TPH2: variants seen among roughly 807,000 people sequenced by gnomAD.
The protein encoded by TPH2 is tryptophan hydroxylase 2.
A neutral mutation model predicts 59.1 loss-of-function variants in TPH2; 27 were observed. That is an observed-to-expected ratio of 0.46 (90% confidence interval 0.34 to 0.63). TPH2 has a LOEUF of 0.63. Ranked by LOEUF, TPH2 falls within the 30% of genes least tolerant of loss-of-function variation. The pLI, the probability that TPH2 is intolerant of heterozygous loss-of-function variation, is 0.01. For synonymous variants in TPH2, 220 were observed against 210.5 expected (o/e 1.05, Z -0.39); for missense variants, 523 against 588.3 (o/e 0.89, Z 1.15).
intron 9 of TPH2, among the ~76,000 whole-genome samples, chr12:72,030,941 A>T (rs1220518753): frequency 6.6e-6 from 1 of 152,142 alleles, no homozygotes; most frequent in African/African-American, 2.4e-5. Context: ...TAGATTTAAA[A>T]TCCCATTTCT....
chr12:72,022,077 T>C (rs1873434162), intron 8 of TPH2, among the ~76,000 whole-genome samples: 1 of 152,184 alleles, frequency 6.6e-6, no homozygotes, highest in Non-Finnish European at 1.5e-5. Context: ...TACGGAGGTA[T>C]CATTGTGATA....
intron 4 of TPH2, among the ~76,000 whole-genome samples, chr12:71,947,864 T>G (rs576784348): frequency 6.6e-6 from 1 of 152,290 alleles, no homozygotes; most frequent in African/African-American, 2.4e-5. Flanking sequence ...AGAGAGGCAG[T>G]TGAGATTCTT....
At chr12:72,008,614 A>G (rs1873017882) in intron 8 of TPH2, among the ~76,000 whole-genome samples, 1 of 152,216 alleles carries the variant, frequency 6.6e-6, no homozygotes, top group African/African-American at 2.4e-5. Context: ...TGCTTAATAC[A>G]ATTTTGGTGA....
intron 8 of TPH2, among the ~76,000 whole-genome samples, chr12:71,998,770 T>G (rs1385000164): frequency 1.3e-5 from 2 of 152,136 alleles, no homozygotes; most frequent in African/African-American, 2.4e-5. Flanking sequence ...TTGTTCACAT[T>G]AAGTCTTCTG....
chr12:71,980,150 G>A (rs1055578885), intron 7 of TPH2, among the ~76,000 whole-genome samples: 3 of 152,184 alleles, frequency 2.0e-5, no homozygotes, highest in Non-Finnish European at 4.4e-5. Context: ...ATGGGGTGGA[G>A]AATTTCAGGC....
In TPH2 at chr12:71,994,530, G is replaced by A; in HGVS notation, c.1033G>A (p.Gly345Arg). Residue 345 changes from glycine to arginine, a missense_variant, in exon 8 of 11, where the codon GGA becomes AGA. Transcript: ENST00000333850. ...FSQEIGLASL[G>R]ASDEDVQKLA... The stretch of plus-strand genomic sequence containing the variant: ...ACAAGAAATAGGTCTGGCGTCTCTG[G>A]GAGCATCAGATGAAGATGTTCAGAA... 7.4e-6 allele frequency: 12 copies of A among 1,613,922 alleles called. No individual in the cohort carries two copies. Among genetic ancestry groups the A allele is most frequent in the Non-Finnish European group, 9.3e-6 (11 of 1,179,856 alleles).
chr12:72,002,770 TG>T (rs200397842), intron 8 of TPH2, among the ~76,000 whole-genome samples: 2 of 151,902 alleles, frequency 1.3e-5, no homozygotes, highest in African/African-American at 4.8e-5. Flanking sequence ...TTTTTTTTTT[TG>T]CAGGAAAGAA....
chr12:71,940,060 G>T (rs549091018), intron 1 of TPH2, among the ~76,000 whole-genome samples: 1 of 152,134 alleles, frequency 6.6e-6, no homozygotes, highest in Non-Finnish European at 1.5e-5. Flanking sequence ...CAAAAATGAG[G>T]CCAAAATGTA....
intron 1 of TPH2, among the ~76,000 whole-genome samples, chr12:71,940,194 G>A (rs1277933346): frequency 6.6e-6 from 1 of 152,158 alleles, no homozygotes; most frequent in Non-Finnish European, 1.5e-5. Flanking sequence ...GTTAATGTAT[G>A]ACCCTTTTAT....
intron 8 of TPH2, among the ~76,000 whole-genome samples, chr12:72,019,637 C>T (rs926255261): frequency 6.6e-6 from 1 of 152,160 alleles, no homozygotes; most frequent in East Asian, 1.9e-4. Flanking sequence ...ATGTATTCCA[C>T]CTGACATTAT....
At chr12:72,008,967 G>A (rs906277515) in intron 8 of TPH2, among the ~76,000 whole-genome samples, 1 of 152,098 alleles carries the variant, frequency 6.6e-6, no homozygotes, top group Non-Finnish European at 1.5e-5. Context: ...GTGTGTGTAT[G>A]CCTGCATCTT....
rs1199286778 is a variant in TPH2, at chr12:71,989,466, CA to C, written c.942-4970del. Among the ~76,000 whole-genome samples, 4 of 152,196 alleles carry C rather than the reference CA, an allele frequency of 2.6e-5. No homozygotes were observed. In the East Asian group the frequency reaches 7.7e-4, roughly 29 times the overall value. Reference sequence around the variant, plus strand: ...ATCCTCCTGCTTCCTTTTATTAATGCAAAGTCTTCACCTCTGCCACTCATCT... The same window carrying C: ...ATCCTCCTGCTTCCTTTTATTAATGCAAGTCTTCACCTCTGCCACTCATCT... On this transcript the variant is annotated intron_variant, in intron 7 of 10. Coordinates refer to ENST00000333850, the MANE Select transcript of TPH2 (RefSeq NM_173353.4).
intron 1 of TPH2, 93 bp from the exon 2 acceptor site, chr12:71,941,491 C>T (rs1871064341): frequency 6.8e-7 from 1 of 1,476,600 alleles, no homozygotes; most frequent in Middle Eastern, 1.8e-4. Flanking sequence ...GAGCTTCCAG[C>T]TTATGAATGA....
chr12:71,999,044 C>T (rs942614707), intron 8 of TPH2, among the ~76,000 whole-genome samples: 15 of 152,166 alleles, frequency 9.9e-5, no homozygotes, highest in Admixed American at 3.3e-4. Flanking sequence ...GATGTGCTAT[C>T]GACAAATCCA....
chr12:71,972,742 A>G, intron 6 of TPH2, 27 bp downstream of exon 6: 1 of 1,605,912 alleles, frequency 6.2e-7, no homozygotes. Flanking sequence ...GCTGTCTCTT[A>G]TTAGTCAATA....
intron 5 of TPH2, among the ~76,000 whole-genome samples, chr12:71,970,359 G>A (rs1353250936): frequency 1.3e-5 from 2 of 152,192 alleles, no homozygotes; most frequent in African/African-American, 4.8e-5. Context: ...GAGGCTGGAA[G>A]TTCATTATTA....
chr12:72,014,068 G>A (rs2139237745), intron 8 of TPH2, among the ~76,000 whole-genome samples: 1 of 152,262 alleles, frequency 6.6e-6, no homozygotes, highest in African/African-American at 2.4e-5. Flanking sequence ...TGGACCAGTG[G>A]TACTTGGAAT....
intron 9 of TPH2, among the ~76,000 whole-genome samples, chr12:72,026,814 T>A (rs1381294365): frequency 6.6e-6 from 1 of 152,204 alleles, no homozygotes; most frequent in African/African-American, 2.4e-5. Context: ...GTGTAATGCA[T>A]CATTGCCTAA....
chr12:71,990,856 A>G (rs190783282), intron 7 of TPH2, among the ~76,000 whole-genome samples: 1 of 152,234 alleles, frequency 6.6e-6, no homozygotes, highest in Non-Finnish European at 1.5e-5. Flanking sequence ...TTAGCAAAAT[A>G]CAGCATGGTC....
Sources: allele counts gnomAD v4.1 joint callset (sites outside exome capture counted in the v4.1 genomes callset), GRCh38; gene constraint gnomAD v4.1.1; transcripts MANE v1.5; gene names NCBI Gene and HGNC (gene_info 2026-07-23, HGNC 2026-07-21).